ANKLE2: variants seen among roughly 807,000 people sequenced by gnomAD.
The protein encoded by ANKLE2 is ankyrin repeat and LEM domain containing 2.
A neutral mutation model predicts 84.2 loss-of-function variants in ANKLE2; 55 were observed. The ratio of observed to expected loss-of-function variants is 0.65; its 90% CI spans 0.53 to 0.82. The LOEUF is 0.82. ANKLE2 is among the 40% of genes least tolerant of loss of function. The pLI is 0.00. For synonymous variants in ANKLE2, 551 were observed against 486.1 expected (o/e 1.13, Z -1.76); for missense variants, 1,238 against 1,201.9 (o/e 1.03, Z -0.44).
At chr12:132,754,581 C>T in intron 2 of ANKLE2, 94 bp downstream of exon 2, 3 of 1,294,454 alleles carry the variant, frequency 2.3e-6, no homozygotes, top group Non-Finnish European at 3.2e-6. Context: ...GGATTTTTTC[C>T]TTCTTAATCT....
In ANKLE2 at chr12:132,743,929, C is replaced by T. The variant is rs539239076; in HGVS notation, c.1231-653G>A. Among the ~76,000 whole-genome samples the T allele has an allele frequency of 2.0e-5, 3 of 152,290 alleles. No individual in the cohort carries two copies. The highest frequency in any genetic ancestry group is 1.3e-4 in the Admixed American group (2 of 15,288). On this transcript the variant is annotated intron_variant, in intron 5 of 12. Coordinates refer to ENST00000357997, the MANE Select transcript of ANKLE2 (RefSeq NM_015114.3). The surrounding 1 kb of genome is among the most constrained non-coding windows in gnomAD (Gnocchi z 4.1). ...CACAACCAGAATAAAGCAAAGCGCACGAATTTGGTCTGTACTCAAAGAAGT... is the reference window on the plus strand; with the variant it reads ...CACAACCAGAATAAAGCAAAGCGCATGAATTTGGTCTGTACTCAAAGAAGT...
At chr12:132,761,490 G>GGT in intron 1 of ANKLE2, 128 bp downstream of exon 1, 1 of 827,242 alleles carries the variant, frequency 1.2e-6, no homozygotes, top group Non-Finnish European at 1.6e-6. Flanking sequence ...GACCGGCCCT[G>GGT]GTTTCCCCGG....
chr12:132,747,850 G>A lies in ANKLE2; in HGVS notation c.1212C>T (p.Leu404=). The part of the protein sequence containing the change: ...KRIRYVVDLY[L]NTPDKMGYDT... ...CACGCACCATCTTGTCGGGGGTGTTGAGGTACAGGTCCACCACGTAACGGA... is the reference window on the plus strand; with the variant it reads ...CACGCACCATCTTGTCGGGGGTGTTAAGGTACAGGTCCACCACGTAACGGA... The change falls in exon 5 of 13, where the codon CTC becomes CTT. Residue 404 remains leucine, a synonymous_variant. Transcript: ENST00000357997. 1 of 1,604,964 alleles carries A rather than the reference G, an allele frequency of 6.2e-7. No individual in the cohort carries two copies. The highest frequency in any genetic ancestry group is 8.5e-7 in the Non-Finnish European group (1 of 1,177,846).
At chr12:132,741,730 A>G in intron 6 of ANKLE2, 1 of 624,478 alleles carries the variant, frequency 1.6e-6, no homozygotes, top group Non-Finnish European at 3.0e-6. Flanking sequence ...GCTACTCGAC[A>G]TTTTCTAACT....
At chr12:132,750,219 A>AG (rs1555241565) in intron 3 of ANKLE2, among the ~76,000 whole-genome samples, 2 of 150,132 alleles carry the variant, frequency 1.3e-5, no homozygotes, top group Non-Finnish European at 3.0e-5. Context: ...AAAAAAAAAA[A>AG]AAAAAGAAAA....
chr12:132,747,908 G>C lies in ANKLE2; in HGVS notation c.1154C>G (p.Pro385Arg), dbSNP rs750889692. 2 of 1,608,526 alleles carry C rather than the reference G, an allele frequency of 1.2e-6. No homozygotes were observed. The highest frequency in any genetic ancestry group is 1.1e-5 in the South Asian group (1 of 90,224). Residue 385 changes from proline to arginine, a missense_variant, in exon 5 of 13, where the codon CCT (proline) becomes CGT (arginine). This residue lies in a region of ANKLE2 where 802 missense variants were observed against 774.5 expected (regional missense o/e 1.04). Coordinates refer to ENST00000357997, the MANE Select transcript of ANKLE2 (RefSeq NM_015114.3). Reference protein sequence around the residue: ...ENPDFMRLMYPDDDEAMLQKR... With the variant: ...ENPDFMRLMYRDDDEAMLQKR... Reference sequence around the variant, plus strand: ...CTGCAGCATGGCCTCGTCGTCATCAGGGTACATCAGCCTCATGAAGTCAGG... The same window carrying C: ...CTGCAGCATGGCCTCGTCGTCATCACGGTACATCAGCCTCATGAAGTCAGG...
chr12:132,727,637 C>T lies in ANKLE2; in HGVS notation c.2616-194G>A, dbSNP rs906844716. Among the ~76,000 whole-genome samples, 2,764 of 126,282 alleles carry T rather than the reference C, an allele frequency of 0.022. No homozygotes were observed. The highest frequency in any genetic ancestry group is 0.053 in the Middle Eastern group (10 of 190). The allele number at this position is 126,282 out of a possible 152,430, so 82.8% of individuals were successfully genotyped here. A position where few individuals can be genotyped will look rare whatever the true frequency, so the allele number is the denominator to read the frequency against. ...GCTGAACCCTGGCACCGCGGGCACA[C>T]GCGCCCGGGCGGAGGAGACACACTG... On this transcript the variant is annotated intron_variant, in intron 12 of 12. Coordinates refer to ENST00000357997, the MANE Select transcript of ANKLE2 (RefSeq NM_015114.3).
At chr12:132,727,609 ACTG>A (rs2043733654) in intron 12 of ANKLE2, among the ~76,000 whole-genome samples, 166 bp from the exon 13 acceptor site, 1 of 148,398 alleles carries the variant, frequency 6.7e-6, no homozygotes, top group African/African-American at 2.5e-5. Flanking sequence ...GAAGAGACGC[ACTG>A]CTGAACCCTG....
intron 5 of ANKLE2, among the ~76,000 whole-genome samples, chr12:132,746,297 C>T (rs1056388007): frequency 4.8e-5 from 7 of 146,490 alleles, no homozygotes; most frequent in Admixed American, 7.0e-5. Context: ...TGCAGTGAGC[C>T]GAGATTGTGC....
At chr12:132,737,592 G>GT (rs2044039176) in intron 7 of ANKLE2, 1 of 152,248 alleles carries the variant, frequency 6.6e-6, no homozygotes, top group Admixed American at 6.5e-5. Flanking sequence ...GTGGGTGCCT[G>GT]TAACCCCAGC....
chr12:132,733,080 T>C (rs1452968833), intron 10 of ANKLE2, among the ~76,000 whole-genome samples: 5 of 129,926 alleles, frequency 3.8e-5, no homozygotes, highest in Admixed American at 7.8e-5. Flanking sequence ...TGGTGTCTGA[T>C]ACGCACCGTG....
chr12:132,727,294 T>C lies in ANKLE2; in HGVS notation c.2765A>G (p.His922Arg), dbSNP rs1463140977. The C allele has an allele frequency of 1.9e-6, 3 of 1,566,130 alleles. No individual in the cohort carries two copies. The highest frequency in any genetic ancestry group is 2.4e-5 in the East Asian group (1 of 41,980). ...LGSPGRYSPV[H>R]GSQLRRMARL... The stretch of plus-strand genomic sequence containing the variant: ...CGCCATCCTGCGGAGCTGGCTCCCG[T>C]GCACGGGGCTGTAGCGCCCAGGACT... The change falls in exon 13 of 13, where the codon CAC becomes CGC. Residue 922 changes from histidine to arginine, a missense_variant. Physicochemically the swap from His to Arg is conservative, Grantham distance 29. Coordinates refer to ENST00000357997, the MANE Select transcript of ANKLE2 (RefSeq NM_015114.3).
intron 1 of ANKLE2, chr12:132,755,545 C>CAA (rs575972417): frequency 1.9e-5 from 2 of 107,664 alleles, no homozygotes; most frequent in Non-Finnish European, 3.9e-5. Flanking sequence ...AACTCCAGCT[C>CAA]AAAAAAAAAA....
At chr12:132,735,356 A>G in intron 9 of ANKLE2, 50 bp downstream of exon 9, 1 of 1,531,146 alleles carries the variant, frequency 6.5e-7, no homozygotes, top group Non-Finnish European at 9.1e-7. Context: ...CATTAATCAA[A>G]ATGCAACCAA....
chr12:132,755,050 A>C lies in ANKLE2; in HGVS notation c.265T>G (p.Leu89Val), dbSNP rs2044448470. The C allele has an allele frequency of 6.2e-7, 1 of 1,614,094 alleles. No homozygotes were observed. Reference protein sequence around the residue: ...DLREEIVKAGLKCGPITSTTR... With the variant: ...DLREEIVKAGVKCGPITSTTR... The stretch of plus-strand genomic sequence containing the variant: ...GTTGATGTAATGGGTCCACATTTCA[A>C]TCCGGCTTTGACGATTTCTTCTCTA... The change falls in exon 2 of 13, where the codon TTG (leucine) becomes GTG (valine). Residue 89 changes from leucine (L) to valine (V), a missense_variant. Physicochemically the swap from Leu to Val is conservative, Grantham distance 32 (BLOSUM62 1). Around this residue, in one of 3 missense-constraint regions of ANKLE2, gnomAD observed 422 missense variants for 394.5 expected, o/e 1.07. Transcript: ENST00000357997.
chr12:132,749,448 G>A (rs371932183), intron 3 of ANKLE2, among the ~76,000 whole-genome samples: 4 of 152,312 alleles, frequency 2.6e-5, no homozygotes, highest in South Asian at 2.1e-4. Flanking sequence ...GAGCCACCTC[G>A]CCCGGCCTGA....
rs1173240311 is a variant in ANKLE2 at position 132,747,864 on chromosome 12, C to A, written c.1198G>T (p.Val400Leu). The change falls in exon 5 of 13, where the codon GTG becomes TTG. Residue 400 changes from valine (V) to leucine (L), a missense_variant. Val to Leu is a conservative substitution (Grantham distance 32, BLOSUM62 1). This residue lies in a region of ANKLE2 where 802 missense variants were observed against 774.5 expected (regional missense o/e 1.04). Transcript: ENST00000357997. ...TCGGGGGTGTTGAGGTACAGGTCCA[C>A]CACGTAACGGATACGCTTCTGCAGC... ...AMLQKRIRYV[V>L]DLYLNTPDKM... The A allele has an allele frequency of 6.2e-7, 1 of 1,610,122 alleles. No individual in the cohort carries two copies. The highest frequency in any genetic ancestry group is 1.3e-5 in the African/African-American group (1 of 74,670).
At chr12:132,749,542 T>C (rs983239370) in intron 3 of ANKLE2, among the ~76,000 whole-genome samples, 2 of 152,222 alleles carry the variant, frequency 1.3e-5, no homozygotes, top group African/African-American at 4.8e-5. Flanking sequence ...GCCACTCTGG[T>C]TTCCATCCAG....
intron 6 of ANKLE2, 27 bp from the exon 7 acceptor site, chr12:132,741,512 T>C (rs1379019180): frequency 1.2e-6 from 2 of 1,600,096 alleles, no homozygotes; most frequent in South Asian, 1.1e-5. Flanking sequence ...TGTGTCTAAA[T>C]CTTATTTGAT....
Sources: gnomAD v4.1 joint callset for allele counts (sites outside exome capture counted in the v4.1 genomes callset) on GRCh38, gnomAD v4.1.1 for gene constraint, gnomAD v4.1.1 regional missense constraint, Gnocchi (gnomAD v3.1) non-coding constraint, MANE v1.5 for transcripts, NCBI Gene and HGNC (gene_info 2026-07-23, HGNC 2026-07-21) for gene names.